Variants in RBM42 observed in about 807,000 individuals in gnomAD.
The protein encoded by RBM42 is RNA binding motif protein 42.
Under a neutral mutation model 41.4 loss-of-function variants are expected in RBM42, and 21 were observed. The observed-to-expected ratio is 0.51, with a 90% confidence interval of 0.36 to 0.73. The LOEUF (loss-of-function observed/expected upper bound fraction) is 0.73. RBM42 is among the 30% of genes least tolerant of loss of function. RBM42 has a pLI of 0.00. For missense variants in RBM42, 539 were observed against 680.4 expected (o/e 0.79, Z 2.31); for synonymous variants, 272 against 271.2 (o/e 1.00, Z -0.03).
At chr19:35,630,154 AATT>A (rs1599604918) in intron 2 of RBM42, among the ~76,000 whole-genome samples, 1 of 151,884 alleles carries the variant, frequency 6.6e-6, no homozygotes, top group East Asian at 2.0e-4. Context: ...TCTCTACTAA[AATT>A]ACAAAAATTA....
rs1967360923 is a variant in RBM42, at chr19:35,629,210, G to A, written c.57G>A (p.Pro19=). Residue 19 remains proline (P), a synonymous_variant, in exon 1 of 10, where the codon CCG becomes CCA. Transcript: ENST00000262633. ...CGGGTGCAGGAGGACCCGTGGTCCC[G>A]GGTCCTGGCGCTGGCATCCCGGGCA... is the stretch of plus-strand genomic sequence containing the variant. ...GLPGAGGPVV[P]GPGAGIPGKS... 1.3e-6 allele frequency: 2 copies of A among 1,537,574 alleles called. No individual in the cohort carries two copies. The highest frequency in any genetic ancestry group is 1.2e-5 in the South Asian group (1 of 83,872).
intron 8 of RBM42, among the ~76,000 whole-genome samples, chr19:35,635,392 T>C (rs973535555): frequency 2.0e-5 from 3 of 152,080 alleles, no homozygotes; most frequent in African/African-American, 7.2e-5. Flanking sequence ...ATTAACTAAT[T>C]CGGTATCTTC....
rs1408501619 is a variant in RBM42 at position 35,637,290 on chromosome 19, G to T, written c.1268G>T (p.Gly423Val). 1 of 1,614,242 alleles carries T rather than the reference G, an allele frequency of 6.2e-7. No individual in the cohort carries two copies. Among genetic ancestry groups the T allele is most frequent in the East Asian group, 2.2e-5 (1 of 44,874 alleles). Residue 423 changes from glycine (G) to valine (V), a missense_variant, in exon 9 of 10, where the codon GGC becomes GTC. By Grantham distance (109) the Gly-to-Val change is moderately radical. Coordinates refer to ENST00000262633, the MANE Select transcript of RBM42 (RefSeq NM_024321.5). This position sits in a 1 kb window ranked among gnomAD's most constrained non-coding sequence, Gnocchi z 7.0. ...IRDKRTGKTK[G>V]YGFVSFKDPS... ...GACAAGCGCACAGGCAAGACCAAGGGCTACGGCTTCGTCAGCTTCAAGGAC... is the reference window on the plus strand; with the variant it reads ...GACAAGCGCACAGGCAAGACCAAGGTCTACGGCTTCGTCAGCTTCAAGGAC...
chr19:35,633,593 GC>G, intron 6 of RBM42, 93 bp from the exon 7 acceptor site: 2 of 1,221,210 alleles, frequency 1.6e-6, no homozygotes, highest in South Asian at 2.4e-5. Context: ...CTGCTCTCTG[GC>G]CCCCAGGCCC....
intron 8 of RBM42, among the ~76,000 whole-genome samples, chr19:35,635,327 A>G (rs1406932475): frequency 2.6e-5 from 4 of 151,676 alleles, no homozygotes; most frequent in East Asian, 3.9e-4. Context: ...AAAAAAAAAA[A>G]AAAAGAAAAG....
chr19:35,630,286 C>T (rs1200233302), intron 2 of RBM42, among the ~76,000 whole-genome samples: 1 of 150,930 alleles, frequency 6.6e-6, no homozygotes, highest in Non-Finnish European at 1.5e-5. Flanking sequence ...TGCACTGGAG[C>T]CTGGTGACAG....
chr19:35,637,123 T>C lies in RBM42; in HGVS notation c.1136-35T>C, dbSNP rs748438832. 3 of 1,574,166 alleles carry C rather than the reference T, an allele frequency of 1.9e-6. No homozygotes were observed. The Admixed American group carries it at 5.5e-5, about 29-fold the overall frequency. On this transcript the variant is annotated intron_variant, in intron 8 of 9. Coordinates refer to ENST00000262633, the MANE Select transcript of RBM42 (RefSeq NM_024321.5). The surrounding 1 kb of genome is among the most constrained non-coding windows in gnomAD (Gnocchi z 7.0). ...CAAGGTAGACACTGGGCAAGGCCTC[T>C]GCATCCTCTGATGTCATCTCTTCCC...
intron 2 of RBM42, 135 bp from the exon 3 acceptor site, chr19:35,631,005 C>T (rs1967395238): frequency 9.3e-6 from 7 of 751,924 alleles, no homozygotes; most frequent in South Asian, 6.5e-5. Context: ...CGAGAAGTGG[C>T]ATTTTAGCTA....
In RBM42 at chr19:35,637,175, T is replaced by G; in HGVS notation, c.1153T>G (p.Cys385Gly). 1 of 1,613,838 alleles carries G rather than the reference T, an allele frequency of 6.2e-7. No homozygotes were observed. The highest frequency in any genetic ancestry group is 8.5e-7 in the Non-Finnish European group (1 of 1,179,880). The change falls in exon 9 of 10, where the codon TGT becomes GGT. Residue 385 changes from cysteine (C) to glycine (G), a missense_variant. By Grantham distance (159) the Cys-to-Gly change is radical. This residue lies in a region of RBM42 where 110 missense variants were observed against 191.5 expected (regional missense o/e 0.57). Coordinates refer to ENST00000262633, the MANE Select transcript of RBM42 (RefSeq NM_024321.5). This position sits in a 1 kb window ranked among gnomAD's most constrained non-coding sequence, Gnocchi z 7.0. The part of the protein sequence containing the change: ...EWDADDFRIF[C>G]GDLGNEVNDD... Reference sequence around the variant, plus strand: ...ATCCCCAGATGACTTCCGGATCTTCTGTGGGGATCTGGGCAATGAGGTGAA... The same window carrying G: ...ATCCCCAGATGACTTCCGGATCTTCGGTGGGGATCTGGGCAATGAGGTGAA...
At chr19:35,633,325 T>C (rs990993867) in intron 6 of RBM42, 73 bp downstream of exon 6, 2 of 1,205,712 alleles carry the variant, frequency 1.7e-6, no homozygotes, top group East Asian at 2.4e-5. Flanking sequence ...CCCAATGGGC[T>C]ATGTCTGAGT....
At chr19:35,633,646 C>T (rs1967444787) in intron 6 of RBM42, 41 bp from the exon 7 acceptor site, 2 of 1,389,226 alleles carry the variant, frequency 1.4e-6, no homozygotes, top group Non-Finnish European at 1.9e-6. Flanking sequence ...AAAGTCTGAG[C>T]CTGTGAGCCG....
rs567093559 is a variant in RBM42, at chr19:35,631,112, C to G, written c.283-28C>G. 27 of 1,593,654 alleles carry G rather than the reference C, an allele frequency of 1.7e-5. No homozygotes were observed. The African/African-American group carries it at 3.2e-4, about 19-fold the overall frequency. On this transcript the variant is annotated intron_variant, in intron 2 of 9. Transcript: ENST00000262633. ...CAGCAGATGGGAATGCTGAGTCAGGCCCCTCACCCTGACCTCTTCCTCGAC... is the reference window on the plus strand; with the variant it reads ...CAGCAGATGGGAATGCTGAGTCAGGGCCCTCACCCTGACCTCTTCCTCGAC...
intron 1 of RBM42, 117 bp downstream of exon 1, chr19:35,629,398 T>C: frequency 6.5e-7 from 1 of 1,527,660 alleles, no homozygotes; most frequent in Non-Finnish European, 8.8e-7. Context: ...AGTGGGACCT[T>C]CGGGATTGTG....
chr19:35,634,467 AG>A, intron 8 of RBM42, 94 bp downstream of exon 8: 1 of 866,268 alleles, frequency 1.2e-6, no homozygotes, highest in South Asian at 1.5e-5. Context: ...GAACCCTCTC[AG>A]TAGGGTGGGC....
In RBM42 at chr19:35,631,359, C is replaced by T. The variant is rs755616248; in HGVS notation, c.396C>T (p.His132=). 1.9e-6 allele frequency: 3 copies of T among 1,614,232 alleles called. No individual in the cohort carries two copies. Among genetic ancestry groups the T allele is most frequent in the Non-Finnish European group, 2.5e-6 (3 of 1,180,040 alleles). ...GCTTTGGCCCTGGTGATCGGAGTCA[C>T]CTGGACAGCCCAGAGGCTCGAGAAG... ...PVGFGPGDRS[H]LDSPEAREAM... The change falls in exon 4 of 10, where the codon CAC becomes CAT. Residue 132 remains histidine, a synonymous_variant. Coordinates refer to ENST00000262633, the MANE Select transcript of RBM42 (RefSeq NM_024321.5).
chr19:35,637,416 C>A lies in RBM42; in HGVS notation c.1331-26C>A. On this transcript the variant is annotated intron_variant, in intron 9 of 9. Transcript: ENST00000262633. This position sits in a 1 kb window ranked among gnomAD's most constrained non-coding sequence, Gnocchi z 7.0. ...GCGCTGGCCTAAGCCTGACCCGAGC[C>A]TGCCTTGAACCCTCTGTCTCCACAG... 6.2e-7 allele frequency: 1 copy of A among 1,613,336 alleles called. No individual in the cohort carries two copies. Among genetic ancestry groups the A allele is most frequent in the Non-Finnish European group, 8.5e-7 (1 of 1,179,482 alleles).
At position 35,633,246 on chromosome 19, in the gene RBM42, C is replaced by G; in HGVS notation, c.678C>G (p.Pro226=). The G allele has an allele frequency of 6.3e-7, 1 of 1,577,972 alleles. No individual in the cohort carries two copies. The highest frequency in any genetic ancestry group is 8.6e-7 in the Non-Finnish European group (1 of 1,165,120). Reference sequence around the variant, plus strand: ...TGGGCTCCATGGCTGCACTGAGGCCCCCTCTGGTGAGTGTGAACAGGGAAC... The same window carrying G: ...TGGGCTCCATGGCTGCACTGAGGCCGCCTCTGGTGAGTGTGAACAGGGAAC... The part of the protein sequence containing the change: ...PPLGSMAALR[P]PLEEPAAPRE... The change falls in exon 6 of 10, where the codon CCC becomes CCG. Residue 226 remains proline (P), a synonymous_variant. Coordinates refer to ENST00000262633, the MANE Select transcript of RBM42 (RefSeq NM_024321.5).
intron 8 of RBM42, among the ~76,000 whole-genome samples, chr19:35,635,445 T>C (rs958581775): frequency 6.6e-6 from 1 of 152,128 alleles, no homozygotes; most frequent in African/African-American, 2.4e-5. Flanking sequence ...CCCAAAACTC[T>C]GTTAGAACTA....
At chr19:35,631,738 G>C in intron 4 of RBM42, 1 of 367,614 alleles carries the variant, frequency 2.7e-6, no homozygotes, top group South Asian at 2.7e-5. Flanking sequence ...AGAAGTCTCA[G>C]TATCTGCCAC....
Sources: allele counts gnomAD v4.1 joint callset (sites outside exome capture counted in the v4.1 genomes callset), GRCh38; gene constraint gnomAD v4.1.1; regional missense constraint gnomAD v4.1.1; non-coding constraint Gnocchi (gnomAD v3.1); transcripts MANE v1.5; gene names NCBI Gene and HGNC (gene_info 2026-07-23, HGNC 2026-07-21).